Variants in CNNM2 observed in about 807,000 individuals in gnomAD.
The protein encoded by CNNM2 is cyclin and CBS domain divalent metal cation transport mediator 2.
A neutral mutation model predicts 66.9 loss-of-function variants in CNNM2; 12 were observed. That is an observed-to-expected ratio of 0.18 (90% CI 0.11 to 0.29). The LOEUF (loss-of-function observed/expected upper bound fraction) is 0.29. CNNM2 is among the 10% of genes least tolerant of loss of function. The pLI is 1.00. For missense variants in CNNM2, 705 were observed against 1,167.7 expected, an observed-to-expected ratio of 0.60 and a Z score of 5.77; for synonymous variants, 557 against 501.8, an observed-to-expected ratio of 1.11 and a Z score of -1.47.
chr10:103,014,555 C>G (rs1048539647), intron 1 of CNNM2, among the ~76,000 whole-genome samples: 5 of 152,108 alleles, frequency 3.3e-5, no homozygotes, highest in African/African-American at 1.2e-4. Context: ...ATGCTTTGGT[C>G]AGAGCTTAGC....
intron 1 of CNNM2, among the ~76,000 whole-genome samples, chr10:102,948,001 C>T (rs1017188374): frequency 4.6e-5 from 7 of 151,926 alleles, no homozygotes; most frequent in African/African-American, 1.7e-4. Context: ...TGCAGTGAGC[C>T]GAGATTGCAC....
chr10:102,986,975 A>G (rs577753531), intron 1 of CNNM2, among the ~76,000 whole-genome samples: 3 of 152,240 alleles, frequency 2.0e-5, no homozygotes, highest in South Asian at 4.1e-4. Flanking sequence ...AGATGAACAC[A>G]GAAGGAACAA....
At chr10:102,967,837 C>T (rs1333840098) in intron 1 of CNNM2, among the ~76,000 whole-genome samples, 2 of 152,154 alleles carry the variant, frequency 1.3e-5, no homozygotes, top group African/African-American at 2.4e-5. Context: ...GGTGAAACCC[C>T]GTCTCTACTA....
Position 102,958,606 on chromosome 10 carries a change from G to A in CNNM2, c.1621+38505G>A, listed in dbSNP as rs139681001. ...CTGCCTCAGCCTCCTGAGTAGCTGG[G>A]ATTACAGGTGCATGCCACCACGCCC... On this transcript the variant is annotated intron_variant, in intron 1 of 7. Coordinates refer to ENST00000369878, the MANE Select transcript of CNNM2 (RefSeq NM_017649.5). Among the ~76,000 whole-genome samples the A allele has an allele frequency of 0.015, 2,233 of 151,258 alleles. 54 individuals are homozygous for A. Among genetic ancestry groups the A allele is most frequent in the African/African-American group, 0.051 (2,080 of 41,184 alleles).
At chr10:102,938,025 G>A (rs138562540) in intron 1 of CNNM2, among the ~76,000 whole-genome samples, 41 of 151,936 alleles carry the variant, frequency 2.7e-4, no homozygotes, top group African/African-American at 8.7e-4. Flanking sequence ...TGTGTGGGGC[G>A]CAGTGACTCA....
intron 1 of CNNM2, among the ~76,000 whole-genome samples, chr10:102,986,590 GGC>G (rs960001797): frequency 2.6e-5 from 4 of 151,384 alleles, no homozygotes; most frequent in African/African-American, 9.7e-5. Flanking sequence ...AGACCATCCT[GGC>G]TAACACGATG....
intron 1 of CNNM2, among the ~76,000 whole-genome samples, chr10:102,991,170 TAG>T (rs1247617179): frequency 1.3e-5 from 2 of 152,078 alleles, no homozygotes; most frequent in Non-Finnish European, 2.9e-5. Context: ...ATATTTTTAG[TAG>T]AGACGAGGTT....
In CNNM2 at chr10:103,090,204, T is replaced by TA; in HGVS notation, c.*13027dup. 2.8e-6 allele frequency: 1 copy of TA among 361,118 alleles called. No homozygotes were observed. The highest frequency in any genetic ancestry group is 5.0e-6 in the Non-Finnish European group (1 of 200,540). The allele number at this position is 361,118 out of a possible 1,614,324, so 22.4% of individuals were successfully genotyped here. A position where few individuals can be genotyped will look rare whatever the true frequency, so the allele number is the denominator to read the frequency against. On this transcript the variant is annotated 3_prime_UTR_variant, in exon 8 of 8. Coordinates refer to ENST00000369878, the MANE Select transcript of CNNM2 (RefSeq NM_017649.5). Reference sequence around the variant, plus strand: ...AAGATAGTCCTGAAACAGATCAGAATAAAGGAATGTAAAAACCACATTTTC... The same window carrying TA: ...AAGATAGTCCTGAAACAGATCAGAATAAAAGGAATGTAAAAACCACATTTTC...
In CNNM2 at chr10:103,089,621, G is replaced by A. The variant is rs1373802254; in HGVS notation, c.*12441G>A. On this transcript the variant is annotated 3_prime_UTR_variant, in exon 8 of 8. Coordinates refer to ENST00000369878, the MANE Select transcript of CNNM2 (RefSeq NM_017649.5). Reference sequence around the variant, plus strand: ...TAACAGGGACCTCGTTTGTTCCTGTGAGTCCTGCCAGGACTTGTTTAATGG... The same window carrying A: ...TAACAGGGACCTCGTTTGTTCCTGTAAGTCCTGCCAGGACTTGTTTAATGG... 6.6e-7 allele frequency: 1 copy of A among 1,515,804 alleles called. No homozygotes were observed. The highest frequency in any genetic ancestry group is 2.2e-5 in the Admixed American group (1 of 45,326). 93.9% of individuals were successfully genotyped at this position (1,515,804 alleles called of 1,614,324 possible).
chr10:102,958,660 G>A (rs1373102429), intron 1 of CNNM2, among the ~76,000 whole-genome samples: 1 of 151,392 alleles, frequency 6.6e-6, no homozygotes, highest in Non-Finnish European at 1.5e-5. Flanking sequence ...TAATAGAGAC[G>A]GGGTTTCACT....
At position 102,919,278 on chromosome 10, in the gene CNNM2, G is replaced by T; in HGVS notation, c.798G>T (p.Leu266=). 1 of 1,613,914 alleles carries T rather than the reference G, an allele frequency of 6.2e-7. No individual in the cohort carries two copies. The highest frequency in any genetic ancestry group is 1.1e-5 in the South Asian group (1 of 91,090). The change falls in exon 1 of 8, where the codon CTG becomes CTT. Residue 266 remains leucine (L), a synonymous_variant. Coordinates refer to ENST00000369878, the MANE Select transcript of CNNM2 (RefSeq NM_017649.5). ...WLQVIFISLL[L]CLSGMFSGLN... ...AGGTGATCTTCATTTCGCTGCTGCT[G>T]TGCCTGTCGGGCATGTTCAGCGGCC...
chr10:102,927,994 A>T (rs534016336), intron 1 of CNNM2, among the ~76,000 whole-genome samples: 1 of 152,142 alleles, frequency 6.6e-6, no homozygotes, highest in Non-Finnish European at 1.5e-5. Flanking sequence ...TGTGGGGAGG[A>T]TAGCATCTGT....
At chr10:103,014,418 T>A (rs2064402724) in intron 1 of CNNM2, among the ~76,000 whole-genome samples, 1 of 152,202 alleles carries the variant, frequency 6.6e-6, no homozygotes, top group African/African-American at 2.4e-5. Context: ...GTATTAATAG[T>A]ATTATTTCAT....
chr10:103,008,305 C>T (rs1182236900), intron 1 of CNNM2, among the ~76,000 whole-genome samples: 1 of 152,178 alleles, frequency 6.6e-6, no homozygotes, highest in Non-Finnish European at 1.5e-5. Context: ...GAAATACTTT[C>T]CTCAAACATT....
At chr10:103,018,222 G>T (rs1275320730) in intron 1 of CNNM2, among the ~76,000 whole-genome samples, 3 of 152,140 alleles carry the variant, frequency 2.0e-5, no homozygotes, top group African/African-American at 7.2e-5. Flanking sequence ...GAGGGTAGAG[G>T]TATGGGGGTG....
In CNNM2 at chr10:103,084,522, C is replaced by T. The variant is rs2065785468; in HGVS notation, c.*7342C>T. 6.6e-6 allele frequency: 1 copy of T among 152,222 alleles called. No individual in the cohort carries two copies. The highest frequency in any genetic ancestry group is 2.1e-4 in the South Asian group (1 of 4,834). The allele number at this position is 152,222 out of a possible 1,614,324, so 9.4% of individuals were successfully genotyped here. On this transcript the variant is annotated 3_prime_UTR_variant, in exon 8 of 8. Coordinates refer to ENST00000369878, the MANE Select transcript of CNNM2 (RefSeq NM_017649.5). ...GAAATCATGGTAGCACATTCACTCC[C>T]AGCCTCCTGCCTTGGTTTGTTTTTC...
intron 1 of CNNM2, among the ~76,000 whole-genome samples, chr10:102,985,384 A>G (rs1344577188): frequency 6.6e-6 from 1 of 152,132 alleles, no homozygotes; most frequent in Admixed American, 6.5e-5. Context: ...GAGTCCGGCA[A>G]AGGGGCTGAG....
intron 1 of CNNM2, among the ~76,000 whole-genome samples, chr10:102,926,185 C>T (rs1041859712): frequency 5.9e-5 from 9 of 152,154 alleles, no homozygotes; most frequent in Non-Finnish European, 1.3e-4. Context: ...CTCTGTACCA[C>T]ACACCTCCCA....
At chr10:103,017,785 G>GT (rs1342284498) in intron 1 of CNNM2, among the ~76,000 whole-genome samples, 3 of 151,784 alleles carry the variant, frequency 2.0e-5, no homozygotes, top group East Asian at 1.9e-4. Flanking sequence ...GGCCAATGTG[G>GT]TGAAACCCTG....
Sources: gnomAD v4.1 joint callset for allele counts (sites outside exome capture counted in the v4.1 genomes callset) on GRCh38, gnomAD v4.1.1 for gene constraint, MANE v1.5 for transcripts, NCBI Gene and HGNC (gene_info 2026-07-23, HGNC 2026-07-21) for gene names.